The following SAMD12 variants were observed in gnomAD, a reference collection of about 807,000 sequenced individuals.
SAMD12 encodes sterile alpha motif domain containing 12, also known as sterile alpha motif domain-containing protein 12.
Under a neutral mutation model 15.0 loss-of-function variants are expected in SAMD12, and 9 were observed. The ratio of observed to expected loss-of-function variants is 0.60; its 90% CI spans 0.36 to 1.05. The LOEUF is 1.05. Ranked by LOEUF, SAMD12 falls within the 50% of genes least tolerant of loss-of-function variation. The pLI is 0.01. For missense variants in SAMD12, 230 were observed against 234.2 expected, an observed-to-expected ratio of 0.98 and a Z score of 0.12; for synonymous variants, 86 against 90.1, an observed-to-expected ratio of 0.96 and a Z score of 0.25.
the SAMD12 span, among the ~76,000 whole-genome samples, chr8:118,164,852 T>TAC: frequency 5.3e-5 from 8 of 152,022 alleles, no homozygotes; most frequent in African/African-American, 1.4e-4. Context: ...CATATATATA[T>TAC]ACACACACAC....
At chr8:118,425,995 G>A (rs1463520191) in intron 3 of SAMD12, among the ~76,000 whole-genome samples, 1 of 152,064 alleles carries the variant, frequency 6.6e-6, no homozygotes, top group African/African-American at 2.4e-5. Flanking sequence ...CTGGGTTTCT[G>A]TTTATTCATG....
At chr8:118,157,099 GC>G in the SAMD12 span, among the ~76,000 whole-genome samples, 3 of 151,516 alleles carry the variant, frequency 2.0e-5, no homozygotes, top group East Asian at 3.9e-4. Context: ...TTGAAGTCAT[GC>G]TTTTTTAGAG....
chr8:118,159,699 C>G, the SAMD12 span, among the ~76,000 whole-genome samples: 1 of 140,882 alleles, frequency 7.1e-6, no homozygotes, highest in Non-Finnish European at 1.5e-5. Flanking sequence ...TACTATATAA[C>G]AAATTTTTTC....
At chr8:118,413,205 A>G (rs1821502451) in intron 3 of SAMD12, among the ~76,000 whole-genome samples, 1 of 152,300 alleles carries the variant, frequency 6.6e-6, no homozygotes, top group African/African-American at 2.4e-5. Context: ...ACCAGGAGAC[A>G]AACTTGTGAG....
chr8:118,597,194 A>G (rs1827745576), intron 1 of SAMD12, among the ~76,000 whole-genome samples: 1 of 152,196 alleles, frequency 6.6e-6, no homozygotes, highest in African/African-American at 2.4e-5. Context: ...TCCTAGGGCC[A>G]ACGGGGGCTC....
In SAMD12 at chr8:118,379,392, A is replaced by G. The variant is rs759819345; in HGVS notation, c.*25T>C. ...CATCCTTCTCCCTAGTGAGCTATGA[A>G]AAAAGTTTTCAAAGGGAAGTAATCT... On this transcript the variant is annotated 3_prime_UTR_variant, in exon 4 of 4. Coordinates refer to ENST00000314727, the MANE Select transcript of SAMD12 (RefSeq NM_207506.3). 28 of 1,606,926 alleles carry G rather than the reference A, an allele frequency of 1.7e-5. No individual in the cohort carries two copies. In the African/African-American group the frequency reaches 3.2e-4, roughly 18 times the overall value.
chr8:118,487,048 C>T (rs1014608822), intron 2 of SAMD12, among the ~76,000 whole-genome samples: 9 of 152,268 alleles, frequency 5.9e-5, no homozygotes, highest in Admixed American at 6.5e-5. Flanking sequence ...GTGTGGGTGA[C>T]ATGGTCTTAC....
At chr8:118,614,622 T>C (rs750188108) in intron 1 of SAMD12, among the ~76,000 whole-genome samples, 7 of 152,204 alleles carry the variant, frequency 4.6e-5, no homozygotes, top group Non-Finnish European at 7.3e-5. Flanking sequence ...AGTCAGGATT[T>C]GCCGAATAGA....
intron 4 of SAMD12, among the ~76,000 whole-genome samples, chr8:118,325,131 CA>C (rs1816506224): frequency 6.6e-6 from 1 of 152,192 alleles, no homozygotes; most frequent in Non-Finnish European, 1.5e-5. Context: ...CTTTTCAACA[CA>C]GGGATACTGC....
chr8:118,175,715 A>G, the SAMD12 span, among the ~76,000 whole-genome samples: 4 of 152,220 alleles, frequency 2.6e-5, no homozygotes, highest in African/African-American at 9.6e-5. Flanking sequence ...AGACACACAT[A>G]TAGCCAACAA....
At chr8:118,462,818 G>A (rs1372429815) in intron 2 of SAMD12, among the ~76,000 whole-genome samples, 1 of 152,124 alleles carries the variant, frequency 6.6e-6, no homozygotes, top group Non-Finnish European at 1.5e-5. Flanking sequence ...TAGATAAAAA[G>A]TGGGCCGGGC....
intron 4 of SAMD12, among the ~76,000 whole-genome samples, chr8:118,220,950 G>A (rs1330363209): frequency 2.6e-5 from 4 of 152,000 alleles, no homozygotes; most frequent in South Asian, 4.2e-4. Flanking sequence ...ATTGTCCATT[G>A]AGATGAGAAG....
intron 4 of SAMD12, among the ~76,000 whole-genome samples, chr8:118,269,323 T>C (rs1463937209): frequency 6.6e-6 from 1 of 151,862 alleles, no homozygotes; most frequent in African/African-American, 2.4e-5. Flanking sequence ...GAGAATGTTT[T>C]AGAAATCAAT....
intron 2 of SAMD12, among the ~76,000 whole-genome samples, chr8:118,525,632 T>C (rs1440128454): frequency 2.6e-5 from 4 of 152,190 alleles, no homozygotes; most frequent in Non-Finnish European, 4.4e-5. Flanking sequence ...GTTTTCACAA[T>C]ACAGGGAACC....
intron 4 of SAMD12, among the ~76,000 whole-genome samples, chr8:118,321,501 C>T (rs1230785346): frequency 1.3e-5 from 2 of 151,872 alleles, no homozygotes; most frequent in African/African-American, 4.8e-5. Context: ...GTAATCCCAG[C>T]CACTCGGGAG....
At chr8:118,161,814 A>T in the SAMD12 span, among the ~76,000 whole-genome samples, 4 of 152,026 alleles carry the variant, frequency 2.6e-5, no homozygotes, top group Middle Eastern at 6.3e-3. Context: ...AAACACAGGA[A>T]TGGATCAATA....
At chr8:118,163,035 T>A in the SAMD12 span, among the ~76,000 whole-genome samples, 1 of 152,152 alleles carries the variant, frequency 6.6e-6, no homozygotes, top group South Asian at 2.1e-4. Flanking sequence ...TGGATTTGAA[T>A]AAACAGAGGC....
At chr8:118,296,240 A>G (rs954210802) in intron 4 of SAMD12, among the ~76,000 whole-genome samples, 4 of 152,156 alleles carry the variant, frequency 2.6e-5, no homozygotes, top group African/African-American at 9.7e-5. Flanking sequence ...CTCTCCAGCT[A>G]TCTCACTGCT....
At chr8:118,247,368 TAATA>T (rs1300780044) in intron 4 of SAMD12, among the ~76,000 whole-genome samples, 1 of 152,030 alleles carries the variant, frequency 6.6e-6, no homozygotes, top group Non-Finnish European at 1.5e-5. Context: ...TGACTATAGT[TAATA>T]ATAACATATT....
Sources: allele counts gnomAD v4.1 joint callset (sites outside exome capture counted in the v4.1 genomes callset), GRCh38; gene constraint gnomAD v4.1.1; transcripts MANE v1.5; gene names NCBI Gene and HGNC (gene_info 2026-07-23, HGNC 2026-07-21).